The following HDAC8 variants were observed in gnomAD, a reference collection of about 807,000 sequenced individuals.
HDAC8 encodes histone deacetylase-like 1.
HDAC8 carries 1 observed loss-of-function variant against 32.2 expected under a neutral mutation model. The observed-to-expected ratio is 0.03, with a 90% CI of 0.01 to 0.15. The LOEUF is 0.15. HDAC8 is among the 10% of genes least tolerant of loss of function. The pLI is 1.00. For synonymous variants in HDAC8, 108 were observed against 113.9 expected (o/e 0.95, Z 0.33); for missense variants, 117 against 300.0 (o/e 0.39, Z 4.51).
At chrX:72,480,501 G>A (rs782690027) in intron 7 of HDAC8, 42 of 306,734 alleles carry the variant, frequency 1.4e-4, no homozygotes, top group Non-Finnish European at 2.3e-4. Context: ...ACAGTGTTGC[G>A]ATTCCTCAAG....
At chrX:72,418,308 A>C (rs2046399455) in intron 9 of HDAC8, among the ~76,000 whole-genome samples, 1 of 111,454 alleles carries the variant, frequency 9.0e-6, no homozygotes, top group Non-Finnish European at 1.9e-5. Flanking sequence ...TTTGCAAACT[A>C]TGCATCTATA....
chrX:72,505,029 G>A (rs981108335), intron 4 of HDAC8, among the ~76,000 whole-genome samples: 1 of 110,380 alleles, frequency 9.1e-6, no homozygotes, highest in Non-Finnish European at 1.9e-5. Flanking sequence ...GTCTATTCAA[G>A]TCCTTTGCCC....
At chrX:72,333,462 A>T (rs1026264336) in intron 10 of HDAC8, among the ~76,000 whole-genome samples, 11 of 111,508 alleles carry the variant, frequency 9.9e-5, no homozygotes, top group African/African-American at 3.3e-4. Flanking sequence ...GCTGAGGTGG[A>T]TGCATCACCT....
At position 72,331,197 on chromosome X, in the gene HDAC8, G is replaced by A. The variant is rs140291928; in HGVS notation, c.1112-1121C>T. Among the ~76,000 whole-genome samples, 192 of 110,141 alleles carry A rather than the reference G, an allele frequency of 1.7e-3. 1 individual carries two copies. Among genetic ancestry groups the A allele is most frequent in the African/African-American group, 5.6e-3 (168 of 30,243 alleles). On this transcript the variant is annotated intron_variant, in intron 10 of 10. Transcript: ENST00000373573. ...CTTGATCTCGTGATCCACCCGACTC[G>A]GCCTCCCAAAGTGCTGGGATTACAG...
chrX:72,436,723 T>C (rs890101765), intron 9 of HDAC8, among the ~76,000 whole-genome samples: 2 of 111,704 alleles, frequency 1.8e-5, no homozygotes, highest in Non-Finnish European at 3.8e-5. Flanking sequence ...TTCTAAATTA[T>C]GTTTGATGAT....
At chrX:72,378,847 C>A in intron 9 of HDAC8, among the ~76,000 whole-genome samples, 1 of 109,114 alleles carries the variant, frequency 9.2e-6, no homozygotes, top group South Asian at 3.9e-4. Context: ...TTCATTTCAG[C>A]CTGAAGGATT....
chrX:72,488,314 C>T (rs1216091548), intron 7 of HDAC8, among the ~76,000 whole-genome samples: 1 of 111,056 alleles, frequency 9.0e-6, no homozygotes, highest in African/African-American at 3.3e-5. Flanking sequence ...CCTGACCAAT[C>T]TCAATTTTTA....
chrX:72,371,343 A>C (rs2034955008), intron 9 of HDAC8, among the ~76,000 whole-genome samples: 1 of 111,816 alleles, frequency 8.9e-6, no homozygotes, highest in African/African-American at 3.3e-5. Context: ...ACCCTAGATT[A>C]CTCTGGAAGT....
rs1018314824 is a variant in HDAC8 at position 72,525,988 on chromosome X, T to A, written c.438-30720A>T. Among the ~76,000 whole-genome samples the A allele has an allele frequency of 3.7e-5, 4 of 109,266 alleles. No individual in the cohort carries two copies. In the East Asian group the frequency reaches 1.2e-3, roughly 31 times the overall value. 94.9% of individuals were successfully genotyped at this position (109,266 alleles called of 115,157 possible). A position where few individuals can be genotyped will look rare whatever the true frequency, so the allele number is the denominator to read the frequency against. ...GGCTTGTGCCTATAATCCTAACTAC[T>A]TAAGAGGCTGTGGCAAAAGAATCGT... On this transcript the variant is annotated intron_variant, in intron 4 of 10. Transcript: ENST00000373573.
chrX:72,331,632 CA>C (rs202058788), intron 10 of HDAC8, among the ~76,000 whole-genome samples: 36 of 106,046 alleles, frequency 3.4e-4, no homozygotes, highest in South Asian at 1.2e-3. Flanking sequence ...CAGGAAGCTG[CA>C]AAAAAAAAAT....
chrX:72,440,715 C>T (rs782764308), intron 9 of HDAC8, among the ~76,000 whole-genome samples: 11 of 111,779 alleles, frequency 9.8e-5, no homozygotes, highest in South Asian at 7.6e-4. Context: ...GTGCGTGAGC[C>T]GAAGCAGGGC....
At chrX:72,565,688 G>A (rs1233518967) in intron 4 of HDAC8, among the ~76,000 whole-genome samples, 1 of 111,874 alleles carries the variant, frequency 8.9e-6, no homozygotes, top group African/African-American at 3.3e-5. Context: ...ATAGAAGCAA[G>A]CCTTTTCTAT....
chrX:72,340,177 T>G (rs2043848934), intron 10 of HDAC8, among the ~76,000 whole-genome samples: 1 of 111,982 alleles, frequency 8.9e-6, no homozygotes, highest in African/African-American at 3.2e-5. Context: ...TCTGCTGGCT[T>G]CATGTGGAAG....
chrX:72,342,868 G>C (rs1382970538), intron 10 of HDAC8, among the ~76,000 whole-genome samples: 1 of 111,056 alleles, frequency 9.0e-6, no homozygotes, highest in African/African-American at 3.3e-5. Flanking sequence ...CTAGGCCTCA[G>C]TTCCTACATC....
intron 9 of HDAC8, among the ~76,000 whole-genome samples, chrX:72,459,254 T>C (rs1373414342): frequency 9.0e-6 from 1 of 111,021 alleles, no homozygotes; most frequent in Non-Finnish European, 1.9e-5. Context: ...GCCTGGCAAA[T>C]AGTAGGGGCC....
At chrX:72,426,572 G>C (rs1283564471) in intron 9 of HDAC8, among the ~76,000 whole-genome samples, 1 of 112,020 alleles carries the variant, frequency 8.9e-6, no homozygotes, top group African/African-American at 3.2e-5. Flanking sequence ...AAAAAACAGA[G>C]TCAATAGTGT....
intron 10 of HDAC8, among the ~76,000 whole-genome samples, chrX:72,338,145 T>G (rs2043766684): frequency 9.0e-6 from 1 of 111,726 alleles, no homozygotes; most frequent in South Asian, 3.7e-4. Context: ...TTTGTTTCTT[T>G]ATTTGCTCGC....
Position 72,572,754 on chromosome X carries a change from T to G in HDAC8, c.8A>C (p.Glu3Ala), listed in dbSNP as rs1386102142. The change falls in exon 1 of 11, where the codon GAG becomes GCG. Residue 3 changes from glutamate (E) to alanine (A), a missense_variant. Coordinates refer to ENST00000373573, the MANE Select transcript of HDAC8 (RefSeq NM_018486.3). MEEPEEPADSGQS... is the reference protein window; with the variant it reads MEAPEEPADSGQS... ...CCCACTGTCCGCCGGTTCCTCCGGC[T>G]CCTCCATCTTCCGCTTAAAACCGTT... The G allele has an allele frequency of 2.0e-5, 24 of 1,206,610 alleles. No homozygotes were observed. Among genetic ancestry groups the G allele is most frequent in the Non-Finnish European group, 2.7e-5 (24 of 891,090 alleles).
chrX:72,544,591 AC>A (rs1252337746), intron 4 of HDAC8, among the ~76,000 whole-genome samples: 1 of 111,661 alleles, frequency 9.0e-6, no homozygotes, highest in Non-Finnish European at 1.9e-5. Flanking sequence ...CTCTGGCATA[AC>A]AGAATGTAGC....
Sources: allele counts gnomAD v4.1 joint callset (sites outside exome capture counted in the v4.1 genomes callset), GRCh38; gene constraint gnomAD v4.1.1; transcripts MANE v1.5; gene names NCBI Gene and HGNC (gene_info 2026-07-23, HGNC 2026-07-21).